The following SLCO3A1 variants were observed in gnomAD, a reference collection of about 807,000 sequenced individuals.
SLCO3A1 encodes the protein solute carrier organic anion transporter family member 3A1.
A neutral mutation model predicts 63.1 loss-of-function variants in SLCO3A1; 27 were observed. That is an observed-to-expected ratio of 0.43 (90% confidence interval 0.32 to 0.59). The LOEUF is 0.59. Ranked by LOEUF, SLCO3A1 falls within the 20% of genes least tolerant of loss-of-function variation. The pLI is 0.09. For missense variants in SLCO3A1, 773 were observed against 945.8 expected (o/e 0.82, Z 2.40); for synonymous variants, 473 against 409.9 (o/e 1.15, Z -1.86).
rs2046904665 is a variant in SLCO3A1, at chr15:92,047,623, TATATATA to T, written c.647-47256_647-47250del. Reference sequence around the variant, plus strand: ...ATAATATATATATAATATATAAATATATATATAAATATATAAATATATATATCTGTAG... The same window carrying T: ...ATAATATATATATAATATATAAATATAATATATAAATATATATATCTGTAG... On this transcript the variant is annotated intron_variant, in intron 2 of 9. Transcript: ENST00000318445. Among the ~76,000 whole-genome samples, 31 of 60,874 alleles carry T rather than the reference TATATATA, an allele frequency of 5.1e-4. 1 individual carries two copies. Among genetic ancestry groups the T allele is most frequent in the Admixed American group, 1.7e-3 (4 of 2,368 alleles). The allele number at this position is 60,874 out of a possible 152,430, so 39.9% of individuals were successfully genotyped here.
chr15:92,088,702 C>T (rs1037289833), intron 2 of SLCO3A1, among the ~76,000 whole-genome samples: 3 of 152,162 alleles, frequency 2.0e-5, no homozygotes, highest in African/African-American at 7.2e-5. Context: ...GGCCATCCAC[C>T]ATCTTCAAAG....
At position 91,875,335 on chromosome 15, in the gene SLCO3A1, C is replaced by G. The variant is rs1032353884; in HGVS notation, c.180+21247C>G. Among the ~76,000 whole-genome samples, 4 of 152,314 alleles carry G rather than the reference C, an allele frequency of 2.6e-5. No individual in the cohort carries two copies. The highest frequency in any genetic ancestry group is 9.6e-5 in the African/African-American group (4 of 41,570). The stretch of plus-strand genomic sequence containing the variant: ...CCTTTCCTCTGACCCTCCCCTCCCA[C>G]TGTGGATCATGGTCTCCTCCCCCAG... On this transcript the variant is annotated intron_variant, in intron 1 of 9. Coordinates refer to ENST00000318445, the MANE Select transcript of SLCO3A1 (RefSeq NM_013272.4). The surrounding 1 kb of genome is among the most constrained non-coding windows in gnomAD (Gnocchi z 4.5).
At position 91,954,458 on chromosome 15, in the gene SLCO3A1, A is replaced by G. The variant is rs768039807; in HGVS notation, c.646+38000A>G. On this transcript the variant is annotated intron_variant, in intron 2 of 9. Coordinates refer to ENST00000318445, the MANE Select transcript of SLCO3A1 (RefSeq NM_013272.4). This position sits in a 1 kb window ranked among gnomAD's most constrained non-coding sequence, Gnocchi z 4.7. ...GCAGTTTCCAGGGGCCCAACATTCA[A>G]TAAATTGTTGCAGAAGCAAATATTT... Among the ~76,000 whole-genome samples the G allele has an allele frequency of 1.3e-5, 2 of 152,166 alleles. No individual in the cohort carries two copies. Among genetic ancestry groups the G allele is most frequent in the Non-Finnish European group, 2.9e-5 (2 of 68,026 alleles).
At position 91,883,159 on chromosome 15, in the gene SLCO3A1, G is replaced by A. The variant is rs988586418; in HGVS notation, c.180+29071G>A. Among the ~76,000 whole-genome samples the A allele has an allele frequency of 2.0e-5, 3 of 152,216 alleles. No individual in the cohort carries two copies. Among genetic ancestry groups the A allele is most frequent in the Admixed American group, 2.0e-4 (3 of 15,286 alleles). ...CATGTTACTCAGATGCTTTGAGGCT[G>A]GTGGATAACAAAGTATCCCTCCTTC... On this transcript the variant is annotated intron_variant, in intron 1 of 9. Transcript: ENST00000318445. This position sits in a 1 kb window ranked among gnomAD's most constrained non-coding sequence, Gnocchi z 4.8.
intron 2 of SLCO3A1, among the ~76,000 whole-genome samples, chr15:91,971,858 T>C (rs1900888657): frequency 6.6e-6 from 1 of 152,168 alleles, no homozygotes; most frequent in East Asian, 1.9e-4. Flanking sequence ...TCAGTGTTTG[T>C]GGAGACTTTC....
chr15:91,993,002 T>C (rs1158763960), intron 2 of SLCO3A1, among the ~76,000 whole-genome samples: 2 of 152,198 alleles, frequency 1.3e-5, no homozygotes, highest in Admixed American at 6.5e-5. Context: ...GGGCCCCTTA[T>C]AAAGATGGTC....
At chr15:91,962,479 CA>C (rs35274991) in intron 2 of SLCO3A1, among the ~76,000 whole-genome samples, 37,882 of 80,854 alleles carry the variant, frequency 0.47, 5,743 homozygotes, top group Middle Eastern at 0.63. Context: ...AACTCCGTCT[CA>C]AAAAAAAAAA....
At chr15:92,147,854 T>C (rs2048249709) in intron 8 of SLCO3A1, among the ~76,000 whole-genome samples, 1 of 152,224 alleles carries the variant, frequency 6.6e-6, no homozygotes, top group African/African-American at 2.4e-5. Context: ...CCTAGATTTG[T>C]GTTGGAAACC....
rs769207964 is a variant in SLCO3A1 at position 91,883,781 on chromosome 15, G to A, written c.180+29693G>A. Among the ~76,000 whole-genome samples the A allele has an allele frequency of 1.3e-5, 2 of 152,214 alleles. No homozygotes were observed. The highest frequency in any genetic ancestry group is 2.9e-5 in the Non-Finnish European group (2 of 68,040). ...TAATATCCTACTTACCGATAGTAGTGTAGCATCCTGATAGTACATCACAGT... is the reference window on the plus strand; with the variant it reads ...TAATATCCTACTTACCGATAGTAGTATAGCATCCTGATAGTACATCACAGT... On this transcript the variant is annotated intron_variant, in intron 1 of 9. Coordinates refer to ENST00000318445, the MANE Select transcript of SLCO3A1 (RefSeq NM_013272.4). This position sits in a 1 kb window ranked among gnomAD's most constrained non-coding sequence, Gnocchi z 4.8.
At chr15:91,959,233 A>G (rs28752332) in intron 2 of SLCO3A1, among the ~76,000 whole-genome samples, 44,115 of 151,802 alleles carry the variant, frequency 0.29, 6,750 homozygotes, top group East Asian at 0.39. Flanking sequence ...TGAGGACACA[A>G]AGGCATATAG....
intron 2 of SLCO3A1, among the ~76,000 whole-genome samples, chr15:91,983,785 G>A (rs779716795): frequency 3.3e-5 from 5 of 152,134 alleles, no homozygotes; most frequent in African/African-American, 4.8e-5. Context: ...ACAGGGTGGA[G>A]GAAAGTTGGA....
chr15:92,152,081 TG>T (rs1596150434), intron 9 of SLCO3A1, among the ~76,000 whole-genome samples: 1 of 152,246 alleles, frequency 6.6e-6, no homozygotes, highest in East Asian at 1.9e-4. Flanking sequence ...TAATAACTTT[TG>T]CAATATTTTT....
chr15:91,873,768 T>C (rs1897333199), intron 1 of SLCO3A1, among the ~76,000 whole-genome samples: 1 of 152,218 alleles, frequency 6.6e-6, no homozygotes, highest in African/African-American at 2.4e-5. Context: ...TTCTCCAAAA[T>C]GTTCCCAAAA....
intron 2 of SLCO3A1, among the ~76,000 whole-genome samples, chr15:92,082,207 T>C (rs1275609081): frequency 6.6e-6 from 1 of 152,228 alleles, no homozygotes; most frequent in East Asian, 1.9e-4. Flanking sequence ...TATTGCAGGT[T>C]TCCTGCTGTT....
chr15:91,932,326 C>T (rs779931604), intron 2 of SLCO3A1, among the ~76,000 whole-genome samples: 3 of 152,120 alleles, frequency 2.0e-5, no homozygotes, highest in Non-Finnish European at 4.4e-5. Flanking sequence ...TTGAATGAAT[C>T]CCTGTGTGCC....
chr15:91,873,281 G>A (rs750504155), intron 1 of SLCO3A1, among the ~76,000 whole-genome samples: 7 of 152,180 alleles, frequency 4.6e-5, no homozygotes, highest in East Asian at 1.9e-4. Flanking sequence ...GAAAACAAAA[G>A]TGAGTACCAT....
rs978103335 is a variant in SLCO3A1, at chr15:91,980,862, C to T, written c.646+64404C>T. On this transcript the variant is annotated intron_variant, in intron 2 of 9. Coordinates refer to ENST00000318445, the MANE Select transcript of SLCO3A1 (RefSeq NM_013272.4). ...AGGTCCGGGAAAGACTCCAGTGCAC[C>T]GTGATGCTGAAGACGGAGGTGCTTC... 1.1e-4 allele frequency among the ~76,000 whole-genome samples: 17 copies of T among 152,268 alleles called. No individual in the cohort carries two copies. In the East Asian group the frequency reaches 1.6e-3, roughly 14 times the overall value.
chr15:91,873,844 A>G (rs1388195713), intron 1 of SLCO3A1, among the ~76,000 whole-genome samples: 1 of 152,244 alleles, frequency 6.6e-6, no homozygotes, highest in East Asian at 1.9e-4. Flanking sequence ...TTATTTGTTT[A>G]TAAACAGCCA....
intron 1 of SLCO3A1, among the ~76,000 whole-genome samples, chr15:91,866,410 G>A (rs1897164617): frequency 6.6e-6 from 1 of 152,066 alleles, no homozygotes; most frequent in Admixed American, 6.5e-5. Context: ...GAGACCAAAA[G>A]AGACTTTATC....
Sources: allele counts gnomAD v4.1 joint callset (sites outside exome capture counted in the v4.1 genomes callset), GRCh38; gene constraint gnomAD v4.1.1; non-coding constraint Gnocchi (gnomAD v3.1); transcripts MANE v1.5; gene names NCBI Gene and HGNC (gene_info 2026-07-23, HGNC 2026-07-21).